INSC: variants seen among roughly 807,000 people sequenced by gnomAD.
INSC encodes protein inscuteable homolog.
Under a neutral mutation model 58.6 loss-of-function variants are expected in INSC, and 67 were observed. The observed-to-expected ratio is 1.14, with a 90% CI of 0.94 to 1.40. The LOEUF (loss-of-function observed/expected upper bound fraction) is 1.40, where lower values mean the gene tolerates loss of function less well. Ranked by LOEUF, INSC falls within the 40% of genes most tolerant of loss-of-function variation. INSC has a pLI of 0.00. For synonymous variants in INSC, 262 were observed against 276.1 expected, an observed-to-expected ratio of 0.95 and a Z score of 0.51; for missense variants, 714 against 692.0, an observed-to-expected ratio of 1.03 and a Z score of -0.36.
intron 1 of INSC, 122 bp from the exon 2 acceptor site, chr11:15,149,008 A>G: frequency 8.3e-7 from 1 of 1,200,052 alleles, no homozygotes; most frequent in Non-Finnish European, 1.1e-6. Flanking sequence ...CAACAGAAGA[A>G]GAGGGCTAAG....
At chr11:15,229,041 G>C (rs1004283729) in intron 9 of INSC, among the ~76,000 whole-genome samples, 1 of 152,158 alleles carries the variant, frequency 6.6e-6, no homozygotes, top group African/African-American at 2.4e-5. Flanking sequence ...TCCAGCTACA[G>C]ATCTGACAGG....
chr11:15,153,176 G>T (rs1714351), intron 2 of INSC, among the ~76,000 whole-genome samples: 1 of 152,126 alleles, frequency 6.6e-6, no homozygotes, highest in Non-Finnish European at 1.5e-5. Context: ...TTATTATTCA[G>T]TAACTTCTCT....
chr11:15,117,453 T>G (rs1022132453), intron 1 of INSC, among the ~76,000 whole-genome samples: 2 of 152,148 alleles, frequency 1.3e-5, no homozygotes, highest in African/African-American at 4.8e-5. Context: ...AGAATAAAGG[T>G]GGCAGGGGAA....
rs868398357 is a variant in INSC at position 15,116,845 on chromosome 11, C to A, written c.-46+1842C>A. ...TCTTTCTTTCTTTCTTTCTTTCTTTCTTTCTCTCTCTCTCTCTCTCTCTCT... is the reference window on the plus strand; with the variant it reads ...TCTTTCTTTCTTTCTTTCTTTCTTTATTTCTCTCTCTCTCTCTCTCTCTCT... On this transcript the variant is annotated intron_variant, in intron 1 of 12. Transcript: ENST00000379556. Among the ~76,000 whole-genome samples, 407 of 42,770 alleles carry A rather than the reference C, an allele frequency of 9.5e-3. 2 individuals are homozygous for A. Among genetic ancestry groups the A allele is most frequent in the Non-Finnish European group, 0.013 (312 of 24,030 alleles). 28.1% of individuals were successfully genotyped at this position (42,770 alleles called of 152,430 possible). A position where few individuals can be genotyped will look rare whatever the true frequency, so the allele number is the denominator to read the frequency against.
intron 1 of INSC, among the ~76,000 whole-genome samples, chr11:15,139,828 C>T (rs189753041): frequency 1.1e-3 from 174 of 152,340 alleles, no homozygotes; most frequent in Non-Finnish European, 2.6e-4. Context: ...CTTGGAGCTA[C>T]ATTTTGCCTA....
Position 15,149,116 on chromosome 11 carries a change from C to T in INSC, c.-45-14C>T, listed in dbSNP as rs1272735939. The T allele has an allele frequency of 6.3e-7, 1 of 1,592,252 alleles. No individual in the cohort carries two copies. The highest frequency in any genetic ancestry group is 1.1e-5 in the South Asian group (1 of 87,144). On this transcript the variant is annotated splice_polypyrimidine_tract_variant and intron_variant, in intron 1 of 12. Coordinates refer to ENST00000379556, the MANE Select transcript of INSC (RefSeq NM_001042536.3). The stretch of plus-strand genomic sequence containing the variant: ...TTTAGGATCTCGTTGTGCCATCCTG[C>T]CCTCTATTTTCAGGGTCACGACCGC...
intron 1 of INSC, among the ~76,000 whole-genome samples, chr11:15,145,732 T>C (rs1193536648): frequency 2.0e-5 from 3 of 152,208 alleles, no homozygotes; most frequent in Non-Finnish European, 4.4e-5. Flanking sequence ...TCCATATGAC[T>C]GCAGTGTTTG....
intron 8 of INSC, among the ~76,000 whole-genome samples, chr11:15,223,016 G>C (rs568172218): frequency 6.6e-6 from 1 of 152,250 alleles, no homozygotes; most frequent in East Asian, 1.9e-4. Flanking sequence ...ACATTCACCA[G>C]AGCCCATTAA....
intron 5 of INSC, among the ~76,000 whole-genome samples, chr11:15,180,231 C>A (rs567912092): frequency 1.3e-5 from 2 of 152,110 alleles, no homozygotes; most frequent in East Asian, 3.9e-4. Context: ...GCACTCCAGC[C>A]TGGGCAACAG....
chr11:15,201,019 T>G, intron 7 of INSC, 70 bp downstream of exon 7: 1 of 1,520,148 alleles, frequency 6.6e-7, no homozygotes, highest in South Asian at 1.2e-5. Flanking sequence ...GGCCTCATGA[T>G]GGCCATCTGT....
chr11:15,199,838 G>A (rs1007311258), intron 6 of INSC, among the ~76,000 whole-genome samples: 2 of 152,152 alleles, frequency 1.3e-5, no homozygotes, highest in African/African-American at 2.4e-5. Context: ...GGCAAAGCGA[G>A]ATGTGGGATA....
intron 2 of INSC, among the ~76,000 whole-genome samples, chr11:15,171,806 G>T (rs188226297): frequency 1.2e-4 from 18 of 152,330 alleles, no homozygotes; most frequent in African/African-American, 4.3e-4. Context: ...AACTGAAGTT[G>T]CCATTGTTAA....
intron 7 of INSC, among the ~76,000 whole-genome samples, chr11:15,205,848 G>A (rs983587797): frequency 6.6e-6 from 1 of 152,120 alleles, no homozygotes; most frequent in Non-Finnish European, 1.5e-5. Flanking sequence ...TCTGAGGCAG[G>A]GACTGCAGAG....
chr11:15,144,949 G>A (rs544737673), intron 1 of INSC, among the ~76,000 whole-genome samples: 4 of 152,166 alleles, frequency 2.6e-5, no homozygotes, highest in African/African-American at 7.2e-5. Flanking sequence ...ATAGCCCAGA[G>A]CCCTGAAGAA....
In INSC at chr11:15,235,662, G is replaced by A; in HGVS notation, c.1231G>A (p.Glu411Lys). Reference sequence around the variant, plus strand: ...ACAGTGTGCCTCTGACATCATTCAGGAAAATGGTATGTCTTTGCAGCATTG... The same window carrying A: ...ACAGTGTGCCTCTGACATCATTCAGAAAAATGGTATGTCTTTGCAGCATTG... ...LEQCASDIIQ[E>K]NGVQLIMGML... Residue 411 changes from glutamate to lysine, a missense_variant, in exon 10 of 13, where the codon GAA becomes AAA. Physicochemically the swap from Glu to Lys is moderately conservative, Grantham distance 56. Coordinates refer to ENST00000379556, the MANE Select transcript of INSC (RefSeq NM_001042536.3). 1 of 1,612,884 alleles carries A rather than the reference G, an allele frequency of 6.2e-7. No individual in the cohort carries two copies. Among genetic ancestry groups the A allele is most frequent in the South Asian group, 1.1e-5 (1 of 91,066 alleles).
chr11:15,175,852 G>T lies in INSC; in HGVS notation c.168G>T (p.Glu56Asp), dbSNP rs745651900. 1.9e-6 allele frequency: 3 copies of T among 1,613,816 alleles called. No homozygotes were observed. Among genetic ancestry groups the T allele is most frequent in the Non-Finnish European group, 2.5e-6 (3 of 1,179,698 alleles). ...AGGCCAAGCCCATCAGCCTGGAAGA[G>T]GATGCACAGGGTGACCTCATCCTGG... Reference protein sequence around the residue: ...VLQAKPISLEEDAQGDLILAG... With the variant: ...VLQAKPISLEDDAQGDLILAG... The change falls in exon 3 of 13, where the codon GAG (glutamate) becomes GAT (aspartate). Residue 56 changes from glutamate (E) to aspartate (D), a missense_variant. Glu to Asp is a conservative substitution (Grantham distance 45, BLOSUM62 2). Coordinates refer to ENST00000379556, the MANE Select transcript of INSC (RefSeq NM_001042536.3).
intron 8 of INSC, among the ~76,000 whole-genome samples, chr11:15,223,661 A>C (rs572131866): frequency 2.0e-5 from 3 of 152,222 alleles, no homozygotes; most frequent in African/African-American, 4.8e-5. Context: ...AAGGAATCTT[A>C]CAGCAAAGTG....
the INSC span, among the ~76,000 whole-genome samples, chr11:15,262,655 A>AACACACACACACACACACACAC: frequency 1.8e-3 from 269 of 146,768 alleles, 2 homozygotes; most frequent in African/African-American, 6.3e-3. Flanking sequence ...CTGGGTGATA[A>AACACACACACACACACACACAC]ACACACACAC....
intron 1 of INSC, among the ~76,000 whole-genome samples, chr11:15,124,186 T>A (rs1461617583): frequency 6.6e-6 from 1 of 152,190 alleles, no homozygotes; most frequent in East Asian, 1.9e-4. Flanking sequence ...TCAGCCCCAC[T>A]CCTGTATCCC....
Sources: gnomAD v4.1 joint callset for allele counts (sites outside exome capture counted in the v4.1 genomes callset) on GRCh38, gnomAD v4.1.1 for gene constraint, MANE v1.5 for transcripts, NCBI Gene and HGNC (gene_info 2026-07-23, HGNC 2026-07-21) for gene names.